TBC1D12: variants seen among roughly 807,000 people sequenced by gnomAD.
TBC1D12 encodes TBC1 domain family, member 12.
Under a neutral mutation model 86.7 loss-of-function variants are expected in TBC1D12, and 56 were observed. The ratio of observed to expected loss-of-function variants is 0.65; its 90% confidence interval spans 0.52 to 0.81. TBC1D12 has a LOEUF of 0.81. TBC1D12 is among the 30% of genes least tolerant of loss of function. The pLI, the probability that TBC1D12 is intolerant of heterozygous loss-of-function variation, is 0.00. For missense variants in TBC1D12, 1,023 were observed against 1,038.8 expected, an observed-to-expected ratio of 0.98 and a Z score of 0.21; for synonymous variants, 421 against 411.7, an observed-to-expected ratio of 1.02 and a Z score of -0.27.
In TBC1D12 at chr10:94,402,923, C is replaced by A; in HGVS notation, c.310C>A (p.Pro104Thr). The part of the protein sequence containing the change: ...QAGAPPPSAA[P>T]RSDACLLGSG... The stretch of plus-strand genomic sequence containing the variant: ...CGGCGCCCCGCCGCCCTCGGCAGCC[C>A]CACGATCGGACGCCTGCCTGCTGGG... The change falls in exon 1 of 13, where the codon CCA (proline) becomes ACA (threonine). Residue 104 changes from proline to threonine, a missense_variant. Physicochemically the swap from Pro to Thr is conservative, Grantham distance 38. Coordinates refer to ENST00000225235, the MANE Select transcript of TBC1D12 (RefSeq NM_015188.2). The A allele has an allele frequency of 6.5e-7, 1 of 1,529,502 alleles. No individual in the cohort carries two copies. The highest frequency in any genetic ancestry group is 8.7e-7 in the Non-Finnish European group (1 of 1,142,960). The allele number at this position is 1,529,502 out of a possible 1,614,324, so 94.7% of individuals were successfully genotyped here. A position where few individuals can be genotyped will look rare whatever the true frequency, so the allele number is the denominator to read the frequency against.
chr10:94,444,227 A>AT (rs79421771), intron 2 of TBC1D12, among the ~76,000 whole-genome samples: 3,542 of 144,054 alleles, frequency 0.025, 73 homozygotes, highest in African/African-American at 0.048. Context: ...ATTTATGTGT[A>AT]TTTTTTTTTT....
At chr10:94,435,271 G>C (rs2055278274) in intron 1 of TBC1D12, among the ~76,000 whole-genome samples, 1 of 152,120 alleles carries the variant, frequency 6.6e-6, no homozygotes, top group Non-Finnish European at 1.5e-5. Flanking sequence ...AACTTTATGA[G>C]CTAGAAACAA....
At chr10:94,515,008 C>T (rs1224704388) in intron 9 of TBC1D12, among the ~76,000 whole-genome samples, 25 of 145,826 alleles carry the variant, frequency 1.7e-4, no homozygotes, top group Non-Finnish European at 1.8e-4. Flanking sequence ...CCCGGGTTCA[C>T]GCCATTCTCC....
intron 1 of TBC1D12, among the ~76,000 whole-genome samples, chr10:94,409,528 C>T (rs1222289120): frequency 4.6e-5 from 7 of 151,802 alleles, no homozygotes; most frequent in African/African-American, 1.5e-4. Context: ...TGCACCACTA[C>T]GACCTGCTAA....
intron 6 of TBC1D12, among the ~76,000 whole-genome samples, chr10:94,503,973 G>A (rs1449811353): frequency 6.6e-6 from 1 of 152,112 alleles, no homozygotes; most frequent in Admixed American, 6.6e-5. Flanking sequence ...AGAATTTAAA[G>A]GAAGAATTAA....
At position 94,474,783 on chromosome 10, in the gene TBC1D12, C is replaced by T. The variant is rs748523961; in HGVS notation, c.1211C>T (p.Ser404Leu). Reference protein sequence around the residue: ...TTALILEDRPSNLPAKSVEEA... With the variant: ...TTALILEDRPLNLPAKSVEEA... The stretch of plus-strand genomic sequence containing the variant: ...GCCTTGATTCTTGAGGATCGACCAT[C>T]GTAAGTATTTTAGTGATAATCAGTG... Residue 404 changes from serine (S) to leucine (L), a missense_variant and splice_region_variant, in exon 3 of 13, where the codon TCA (serine) becomes TTA (leucine). This residue lies in a region of TBC1D12 where 395 missense variants were observed against 507.7 expected (regional missense o/e 0.78). Transcript: ENST00000225235. 1.5e-5 allele frequency: 24 copies of T among 1,611,450 alleles called. No individual in the cohort carries two copies. The highest frequency in any genetic ancestry group is 1.3e-4 in the African/African-American group (10 of 74,770).
chr10:94,495,722 C>T (rs2056308942), intron 4 of TBC1D12, among the ~76,000 whole-genome samples: 1 of 151,252 alleles, frequency 6.6e-6, no homozygotes, highest in Admixed American at 6.6e-5. Context: ...TCTCTTTCAT[C>T]ATTTTTTTTT....
chr10:94,409,534 G>A (rs2054902790), intron 1 of TBC1D12, among the ~76,000 whole-genome samples: 1 of 151,764 alleles, frequency 6.6e-6, no homozygotes, highest in Non-Finnish European at 1.5e-5. Context: ...ACTACGACCT[G>A]CTAATTTTGT....
chr10:94,522,052 A>G lies in TBC1D12; in HGVS notation c.1859A>G (p.Gln620Arg). 1 of 1,612,868 alleles carries G rather than the reference A, an allele frequency of 6.2e-7. No homozygotes were observed. ...AFANLLNKPC[Q>R]LAFFRVDHSM... Reference sequence around the variant, plus strand: ...GCCAATCTCCTGAATAAGCCATGCCAGTTGGCCTTTTTTCGTGTGGATCAC... The same window carrying G: ...GCCAATCTCCTGAATAAGCCATGCCGGTTGGCCTTTTTTCGTGTGGATCAC... Residue 620 changes from glutamine (Q) to arginine (R), a missense_variant, in exon 10 of 13, where the codon CAG becomes CGG. Physicochemically the swap from Gln to Arg is conservative, Grantham distance 43 (BLOSUM62 1). Coordinates refer to ENST00000225235, the MANE Select transcript of TBC1D12 (RefSeq NM_015188.2).
Position 94,403,388 on chromosome 10 carries a change from G to T in TBC1D12, c.775G>T (p.Gly259Cys). Residue 259 changes from glycine to cysteine, a missense_variant, in exon 1 of 13, where the codon GGT becomes TGT. Gly to Cys is a radical substitution (Grantham distance 159). This residue lies in a region of TBC1D12 where 628 missense variants were observed against 531.1 expected (regional missense o/e 1.18). Coordinates refer to ENST00000225235, the MANE Select transcript of TBC1D12 (RefSeq NM_015188.2). ...CACCTCGGCCGAGAGGACTAATGGG[G>T]GTGCGGAGCCGCGCCTGGGCTTTTC... The part of the protein sequence containing the change: ...PATSAERTNG[G>C]AEPRLGFSDI... 2 of 1,544,930 alleles carry T rather than the reference G, an allele frequency of 1.3e-6. No homozygotes were observed. The highest frequency in any genetic ancestry group is 1.4e-5 in the African/African-American group (1 of 71,352).
chr10:94,450,170 A>G (rs960105073), intron 2 of TBC1D12, among the ~76,000 whole-genome samples: 3 of 152,124 alleles, frequency 2.0e-5, no homozygotes, highest in African/African-American at 4.8e-5. Flanking sequence ...CTTGGTGCAT[A>G]TATCTATATC....
intron 2 of TBC1D12, among the ~76,000 whole-genome samples, chr10:94,463,488 A>G (rs2055760436): frequency 6.6e-6 from 1 of 152,190 alleles, no homozygotes; most frequent in Non-Finnish European, 1.5e-5. Context: ...ATAATATGTT[A>G]ATCCATGAAC....
intron 6 of TBC1D12, among the ~76,000 whole-genome samples, chr10:94,500,836 A>C (rs1246971999): frequency 6.6e-6 from 1 of 150,394 alleles, no homozygotes; most frequent in African/African-American, 2.4e-5. Flanking sequence ...CAAGTGGATC[A>C]CCTGAAGTCA....
chr10:94,407,452 C>A (rs546347974), intron 1 of TBC1D12, among the ~76,000 whole-genome samples: 1 of 152,116 alleles, frequency 6.6e-6, no homozygotes, highest in Admixed American at 6.5e-5. Flanking sequence ...GAGGCTGAGG[C>A]GGGTGGATCA....
intron 2 of TBC1D12, 61 bp downstream of exon 2, chr10:94,442,080 T>A: frequency 7.3e-7 from 1 of 1,370,438 alleles, no homozygotes; most frequent in Non-Finnish European, 9.5e-7. Flanking sequence ...CTTCTTCTTC[T>A]TCTTTTTTTT....
At chr10:94,423,452 A>G (rs1170054486) in intron 1 of TBC1D12, among the ~76,000 whole-genome samples, 2 of 144,956 alleles carry the variant, frequency 1.4e-5, no homozygotes, top group East Asian at 4.2e-4. Context: ...GGTTCAAGTG[A>G]TTCTCCTGCC....
intron 2 of TBC1D12, among the ~76,000 whole-genome samples, chr10:94,463,394 A>G (rs905270942): frequency 5.9e-5 from 9 of 152,214 alleles, no homozygotes; most frequent in African/African-American, 2.2e-4. Context: ...AGGGCAATGC[A>G]GGGCGTCATG....
Position 94,481,108 on chromosome 10 carries a change from C to T in TBC1D12, c.1211+6325C>T, listed in dbSNP as rs539396480. ...AATAGTCTTAAAATATTCATTTAAC[C>T]GTGCTGTAAACATGTCCTGTCATCC... On this transcript the variant is annotated intron_variant, in intron 3 of 12. Coordinates refer to ENST00000225235, the MANE Select transcript of TBC1D12 (RefSeq NM_015188.2). Among the ~76,000 whole-genome samples the T allele has an allele frequency of 3.5e-3, 525 of 150,106 alleles. 1 individual carries two copies. Among genetic ancestry groups the T allele is most frequent in the Non-Finnish European group, 5.6e-3 (381 of 67,790 alleles).
chr10:94,442,072 T>G, intron 2 of TBC1D12, 53 bp downstream of exon 2: 1 of 1,473,176 alleles, frequency 6.8e-7, no homozygotes, highest in Non-Finnish European at 8.9e-7. Flanking sequence ...GCATTCTTCT[T>G]CTTCTTCTTC....
Sources: allele counts gnomAD v4.1 joint callset (sites outside exome capture counted in the v4.1 genomes callset), GRCh38; gene constraint gnomAD v4.1.1; regional missense constraint gnomAD v4.1.1; transcripts MANE v1.5; gene names NCBI Gene and HGNC (gene_info 2026-07-23, HGNC 2026-07-21).